MSRA: variants seen among roughly 807,000 people sequenced by gnomAD.
MSRA encodes the protein mitochondrial peptide methionine sulfoxide reductase.
MSRA carries 54 observed loss-of-function variants against 31.3 expected under a neutral mutation model. That is an observed-to-expected ratio of 1.73 (90% CI 1.39 to 2.17). The LOEUF is 2.17. Among genes scored for constraint, MSRA ranks in the 30% most tolerant of loss-of-function variants. The pLI, the probability that MSRA is intolerant of heterozygous loss-of-function variation, is 0.00. For synonymous variants in MSRA, 169 were observed against 116.5 expected (o/e 1.45, Z -2.90); for missense variants, 507 against 300.9 (o/e 1.69, Z -5.07).
chr8:10,210,454 A>G (rs1018644946), intron 2 of MSRA, among the ~76,000 whole-genome samples: 19 of 152,212 alleles, frequency 1.2e-4, no homozygotes, highest in African/African-American at 4.6e-4. Flanking sequence ...CCCATTTAGC[A>G]AATCGATTTG....
In MSRA at chr8:10,245,254, G is replaced by A. The variant is rs533769064; in HGVS notation, c.331+31G>A. ...AAGAATTTGCTTTATTGTATTACTA[G>A]GAGAAACAAGGGAGGGCTTGTCACT... On this transcript the variant is annotated intron_variant, in intron 3 of 5. Coordinates refer to ENST00000317173, the MANE Select transcript of MSRA (RefSeq NM_012331.5). The A allele has an allele frequency of 2.4e-5, 38 of 1,603,290 alleles. No homozygotes were observed. The African/African-American group carries it at 2.4e-4, about 10-fold the overall frequency.
intron 4 of MSRA, among the ~76,000 whole-genome samples, chr8:10,315,329 G>A (rs948904145): frequency 5.3e-5 from 8 of 152,130 alleles, no homozygotes; most frequent in African/African-American, 1.9e-4. Context: ...GCAAAAACCA[G>A]GTGTGGTACA....
chr8:10,394,566 A>G (rs1489391806), intron 5 of MSRA, among the ~76,000 whole-genome samples: 1 of 152,246 alleles, frequency 6.6e-6, no homozygotes, highest in Non-Finnish European at 1.5e-5. Context: ...TCAGATTGAC[A>G]GAATTCTCAC....
In MSRA at chr8:10,054,574, G is replaced by A. The variant is rs1259318771; in HGVS notation, c.58G>A (p.Val20Ile). ...QLLLLHSLFP[V>I]PRMGNSASNI... Reference sequence around the variant, plus strand: ...CCTCCTCCTCCACAGCCTCTTTCCCGTCCCGAGGATGGGCAACTCGGCCTC... The same window carrying A: ...CCTCCTCCTCCACAGCCTCTTTCCCATCCCGAGGATGGGCAACTCGGCCTC... Residue 20 changes from valine to isoleucine, a missense_variant, in exon 1 of 6, where the codon GTC becomes ATC. Coordinates refer to ENST00000317173, the MANE Select transcript of MSRA (RefSeq NM_012331.5). 1.3e-6 allele frequency: 2 copies of A among 1,586,510 alleles called. No individual in the cohort carries two copies. Among genetic ancestry groups the A allele is most frequent in the Admixed American group, 1.7e-5 (1 of 57,202 alleles).
intron 5 of MSRA, among the ~76,000 whole-genome samples, chr8:10,403,163 A>C (rs971257271): frequency 1.3e-5 from 2 of 152,204 alleles, no homozygotes; most frequent in South Asian, 4.1e-4. Context: ...GCTGGCTTGG[A>C]GAAGGCCCTC....
At chr8:10,054,730 C>T (rs1370276419) in intron 1 of MSRA, 72 bp downstream of exon 1, 4 of 1,380,092 alleles carry the variant, frequency 2.9e-6, no homozygotes, top group Admixed American at 3.0e-5. Context: ...CGGCAGCGCG[C>T]CCGCTGCCCG....
At chr8:10,110,634 C>T (rs1370125163) in intron 1 of MSRA, among the ~76,000 whole-genome samples, 1 of 152,210 alleles carries the variant, frequency 6.6e-6, no homozygotes, top group Non-Finnish European at 1.5e-5. Flanking sequence ...CTTCTCTGAT[C>T]CTTCATCTCC....
chr8:10,070,720 A>C (rs1335912269), intron 1 of MSRA, among the ~76,000 whole-genome samples: 1 of 152,124 alleles, frequency 6.6e-6, no homozygotes, highest in Non-Finnish European at 1.5e-5. Flanking sequence ...TTATTTCATC[A>C]TTTCAAGGAT....
At chr8:10,152,153 G>C (rs1265018186) in intron 1 of MSRA, among the ~76,000 whole-genome samples, 1 of 152,164 alleles carries the variant, frequency 6.6e-6, no homozygotes, top group Non-Finnish European at 1.5e-5. Context: ...AAATCCCCTT[G>C]AAAAATCAGC....
intron 2 of MSRA, among the ~76,000 whole-genome samples, chr8:10,244,335 C>T (rs7828869): frequency 0.049 from 7,412 of 152,190 alleles, 440 homozygotes; most frequent in African/African-American, 0.14. Context: ...ACATTTGCGA[C>T]GTGCGTGAGT....
At chr8:10,287,276 C>A (rs1332343522) in intron 3 of MSRA, among the ~76,000 whole-genome samples, 3 of 152,162 alleles carry the variant, frequency 2.0e-5, no homozygotes, top group African/African-American at 7.2e-5. Flanking sequence ...CTACTGGGCC[C>A]TGAATGACCT....
At chr8:10,074,360 G>A (rs1328443507) in intron 1 of MSRA, among the ~76,000 whole-genome samples, 1 of 151,946 alleles carries the variant, frequency 6.6e-6, no homozygotes, top group Non-Finnish European at 1.5e-5. Context: ...GGGATTACAG[G>A]TGTGAGCTGC....
chr8:10,371,007 C>G (rs1429187350), intron 5 of MSRA, among the ~76,000 whole-genome samples: 1 of 152,132 alleles, frequency 6.6e-6, no homozygotes, highest in African/African-American at 2.4e-5. Context: ...TCAAATCCAC[C>G]CTCTGCAAAT....
intron 5 of MSRA, among the ~76,000 whole-genome samples, chr8:10,332,990 C>G (rs1181990208): frequency 6.6e-6 from 1 of 152,232 alleles, no homozygotes; most frequent in Non-Finnish European, 1.5e-5. Context: ...TATTCACTTG[C>G]ACTGAGTTCC....
intron 5 of MSRA, among the ~76,000 whole-genome samples, chr8:10,425,886 C>T (rs540300242): frequency 1.3e-5 from 2 of 152,328 alleles, no homozygotes; most frequent in African/African-American, 4.8e-5. Flanking sequence ...ATTTTACATC[C>T]CTCAGTTCTC....
At chr8:10,079,351 C>T (rs770423280) in intron 1 of MSRA, among the ~76,000 whole-genome samples, 7 of 152,054 alleles carry the variant, frequency 4.6e-5, no homozygotes, top group South Asian at 4.2e-4. Flanking sequence ...GACAGGGTTT[C>T]GCCATGTTGC....
chr8:10,130,156 C>CT (rs1801794005), intron 1 of MSRA, among the ~76,000 whole-genome samples: 1 of 152,194 alleles, frequency 6.6e-6, no homozygotes, highest in Non-Finnish European at 1.5e-5. Flanking sequence ...CAGGCAGTCC[C>CT]TTATCCTCAC....
At chr8:10,102,033 T>C (rs1051546480) in intron 1 of MSRA, among the ~76,000 whole-genome samples, 1 of 152,204 alleles carries the variant, frequency 6.6e-6, no homozygotes, top group East Asian at 1.9e-4. Context: ...TCAGCTAAGA[T>C]GTCCTTTTTC....
At chr8:10,129,975 T>C (rs1801781754) in intron 1 of MSRA, among the ~76,000 whole-genome samples, 1 of 151,962 alleles carries the variant, frequency 6.6e-6, no homozygotes, top group South Asian at 2.1e-4. Flanking sequence ...AAAGTGTGAG[T>C]TTGTATGTGC....
Sources: gnomAD v4.1 joint callset for allele counts (sites outside exome capture counted in the v4.1 genomes callset) on GRCh38, gnomAD v4.1.1 for gene constraint, MANE v1.5 for transcripts, NCBI Gene and HGNC (gene_info 2026-07-23, HGNC 2026-07-21) for gene names.